The following PARM1 variants were observed in gnomAD, a reference collection of about 807,000 sequenced individuals.
The protein encoded by PARM1 is WSC4, cell wall integrity and stress response component 4 homolog.
PARM1 carries 14 observed loss-of-function variants against 24.6 expected under a neutral mutation model. The ratio of observed to expected loss-of-function variants is 0.57; its 90% CI spans 0.38 to 0.89. The LOEUF (loss-of-function observed/expected upper bound fraction) is 0.89. Ranked by LOEUF, PARM1 falls within the 40% of genes least tolerant of loss-of-function variation. The pLI is 0.00. For missense variants in PARM1, 362 were observed against 380.4 expected (o/e 0.95, Z 0.40); for synonymous variants, 179 against 156.6 (o/e 1.14, Z -1.07).
intron 1 of PARM1, among the ~76,000 whole-genome samples, chr4:74,951,147 A>G (rs144406267): frequency 6.6e-6 from 1 of 152,310 alleles, no homozygotes; most frequent in African/African-American, 2.4e-5. Context: ...GTCTCTGGGT[A>G]ATTCCAGAGC....
At chr4:75,027,968 C>T (rs949112796) in intron 2 of PARM1, among the ~76,000 whole-genome samples, 2 of 152,170 alleles carry the variant, frequency 1.3e-5, no homozygotes, top group African/African-American at 2.4e-5. Flanking sequence ...CATGGACTCT[C>T]GAACCTGTGC....
At chr4:74,976,012 C>T (rs899835792) in intron 1 of PARM1, among the ~76,000 whole-genome samples, 4 of 152,154 alleles carry the variant, frequency 2.6e-5, no homozygotes, top group African/African-American at 9.7e-5. Flanking sequence ...GGAATTCCTA[C>T]CCCCAACCAA....
At chr4:74,964,835 A>C (rs1355624336) in intron 1 of PARM1, among the ~76,000 whole-genome samples, 1 of 152,160 alleles carries the variant, frequency 6.6e-6, no homozygotes, top group African/African-American at 2.4e-5. Flanking sequence ...ACAATGAATA[A>C]TTTTTTGTTA....
chr4:74,972,866 G>A (rs1722064949), intron 1 of PARM1, among the ~76,000 whole-genome samples: 1 of 152,114 alleles, frequency 6.6e-6, no homozygotes, highest in Admixed American at 6.6e-5. Flanking sequence ...TACACTGTGG[G>A]GACAGGAGGC....
At chr4:74,995,152 G>A (rs1341728228) in intron 1 of PARM1, among the ~76,000 whole-genome samples, 4 of 152,194 alleles carry the variant, frequency 2.6e-5, no homozygotes, top group Non-Finnish European at 5.9e-5. Context: ...TGTTTGCATT[G>A]TTGGATTAAG....
chr4:74,942,207 G>C (rs768906575), intron 1 of PARM1, among the ~76,000 whole-genome samples: 1 of 152,186 alleles, frequency 6.6e-6, no homozygotes, highest in Non-Finnish European at 1.5e-5. Context: ...AATGTTGGTG[G>C]TATTTTTTTC....
chr4:74,988,054 TG>T (rs1401616392), intron 1 of PARM1, among the ~76,000 whole-genome samples: 2 of 152,214 alleles, frequency 1.3e-5, no homozygotes. Context: ...ATGGGAGAGA[TG>T]GCTGTGTATG....
chr4:75,037,435 G>T (rs1252493165), intron 3 of PARM1, among the ~76,000 whole-genome samples: 1 of 152,126 alleles, frequency 6.6e-6, no homozygotes, highest in Non-Finnish European at 1.5e-5. Context: ...GCTAACAATG[G>T]GTGGGGACTT....
intron 2 of PARM1, among the ~76,000 whole-genome samples, chr4:75,025,295 G>T (rs1338155751): frequency 6.6e-6 from 1 of 152,142 alleles, no homozygotes; most frequent in African/African-American, 2.4e-5. Flanking sequence ...CTGAATGAGG[G>T]GATTGATCCC....
intron 1 of PARM1, chr4:74,994,197 C>T (rs1230425287): frequency 1.3e-5 from 2 of 152,040 alleles, no homozygotes. Flanking sequence ...GTAATTTTTT[C>T]CTGAAAACTC....
At chr4:75,001,956 T>C (rs926944820) in intron 1 of PARM1, among the ~76,000 whole-genome samples, 1 of 152,208 alleles carries the variant, frequency 6.6e-6, no homozygotes, top group Non-Finnish European at 1.5e-5. Flanking sequence ...TTGCATTTCA[T>C]GAACATTATC....
At chr4:75,006,759 A>G (rs1722776892) in intron 1 of PARM1, among the ~76,000 whole-genome samples, 1 of 152,184 alleles carries the variant, frequency 6.6e-6, no homozygotes, top group East Asian at 1.9e-4. Context: ...TAGACCTAAA[A>G]CCATAAAAAC....
At chr4:75,005,934 A>G (rs1722760566) in intron 1 of PARM1, among the ~76,000 whole-genome samples, 1 of 152,130 alleles carries the variant, frequency 6.6e-6, no homozygotes, top group South Asian at 2.1e-4. Context: ...TGTCCCTTTC[A>G]TGTCTGTGGG....
chr4:74,937,593 G>A (rs1051570077), intron 1 of PARM1, among the ~76,000 whole-genome samples: 2 of 152,170 alleles, frequency 1.3e-5, no homozygotes, highest in Non-Finnish European at 2.9e-5. Context: ...GTTATTGAAA[G>A]TGTTCAATAC....
chr4:75,039,250 G>A (rs976107236), intron 3 of PARM1, among the ~76,000 whole-genome samples: 39 of 152,112 alleles, frequency 2.6e-4, no homozygotes, highest in Admixed American at 2.6e-4. Context: ...CACAGTTTCC[G>A]GCCGGGTGTG....
chr4:75,023,143 A>T (rs1723120244), intron 2 of PARM1, among the ~76,000 whole-genome samples: 1 of 152,216 alleles, frequency 6.6e-6, no homozygotes, highest in South Asian at 2.1e-4. Flanking sequence ...CCATATTTCC[A>T]TGTGGAGAAA....
At position 75,047,847 on chromosome 4, in the gene PARM1, T is replaced by C. The variant is rs1042646076; in HGVS notation, c.*1600T>C. ...GCTGATGGGTTGTTCTTGGTATGCA[T>C]GGTGACCTTTTTATTTCTGTGTGCT... On this transcript the variant is annotated 3_prime_UTR_variant, in exon 4 of 4. Transcript: ENST00000307428. 2.0e-5 allele frequency: 3 copies of C among 152,250 alleles called. No individual in the cohort carries two copies. Among genetic ancestry groups the C allele is most frequent in the Non-Finnish European group, 2.9e-5 (2 of 68,038 alleles). The allele number at this position is 152,250 out of a possible 1,614,324, so 9.4% of individuals were successfully genotyped here. A position where few individuals can be genotyped will look rare whatever the true frequency, so the allele number is the denominator to read the frequency against.
intron 1 of PARM1, among the ~76,000 whole-genome samples, chr4:74,938,807 G>A (rs1472299149): frequency 2.0e-5 from 3 of 152,182 alleles, no homozygotes; most frequent in African/African-American, 7.2e-5. Context: ...ATGGCTTATA[G>A]ATGTTGGGAA....
chr4:74,970,426 G>A (rs929855383), intron 1 of PARM1: 1 of 152,160 alleles, frequency 6.6e-6, no homozygotes, highest in Admixed American at 6.5e-5. Flanking sequence ...TTACAGACAT[G>A]GCAAACTTCC....
Sources: allele counts gnomAD v4.1 joint callset (sites outside exome capture counted in the v4.1 genomes callset), GRCh38; gene constraint gnomAD v4.1.1; transcripts MANE v1.5; gene names NCBI Gene and HGNC (gene_info 2026-07-23, HGNC 2026-07-21).